The following ATP2B2 variants were observed in gnomAD, a reference collection of about 807,000 sequenced individuals.
ATP2B2 encodes the protein ATPase plasma membrane Ca2+ transporting 2.
ATP2B2 carries 15 observed loss-of-function variants against 120.0 expected under a neutral mutation model. The ratio of observed to expected loss-of-function variants is 0.12; its 90% CI spans 0.08 to 0.19. The LOEUF (loss-of-function observed/expected upper bound fraction) is 0.19, where lower values mean the gene tolerates loss of function less well. Ranked by LOEUF, ATP2B2 falls within the 10% of genes least tolerant of loss-of-function variation. ATP2B2 has a pLI of 1.00. For missense variants in ATP2B2, 1,045 were observed against 1,719.8 expected, an observed-to-expected ratio of 0.61 and a Z score of 6.94; for synonymous variants, 694 against 700.3, an observed-to-expected ratio of 0.99 and a Z score of 0.14.
At chr3:10,519,857 C>T (rs776124029) in intron 3 of ATP2B2, among the ~76,000 whole-genome samples, 5 of 152,236 alleles carry the variant, frequency 3.3e-5, no homozygotes, top group Non-Finnish European at 5.9e-5. Context: ...GCCTGCCTTG[C>T]ATGTGGAGAC....
chr3:10,605,217 C>T (rs1217321170), intron 2 of ATP2B2, among the ~76,000 whole-genome samples: 1 of 152,216 alleles, frequency 6.6e-6, no homozygotes, highest in East Asian at 1.9e-4. Flanking sequence ...CAGATGCTGA[C>T]AGTAACAAGA....
chr3:10,696,187 G>T (rs917530353), intron 1 of ATP2B2, among the ~76,000 whole-genome samples: 1 of 152,184 alleles, frequency 6.6e-6, no homozygotes, highest in Non-Finnish European at 1.5e-5. Context: ...TCCAGGGTCA[G>T]CCTCCCACAC....
intron 1 of ATP2B2, among the ~76,000 whole-genome samples, chr3:10,454,739 C>A (rs2064190508): frequency 6.6e-6 from 1 of 152,184 alleles, no homozygotes; most frequent in African/African-American, 2.4e-5. Context: ...GAACTGAGGA[C>A]CCCATAGTTT....
At chr3:10,687,587 G>A (rs1007490100) in intron 1 of ATP2B2, among the ~76,000 whole-genome samples, 2 of 152,340 alleles carry the variant, frequency 1.3e-5, no homozygotes, top group African/African-American at 4.8e-5. Flanking sequence ...GGACCCAGAT[G>A]AGGTGGCTCA....
At chr3:10,441,347 C>T (rs528616462) in intron 2 of ATP2B2, among the ~76,000 whole-genome samples, 3 of 152,170 alleles carry the variant, frequency 2.0e-5, no homozygotes, top group Non-Finnish European at 1.5e-5. Flanking sequence ...TCAAGTGATT[C>T]TTGTGTCTCA....
At chr3:10,523,554 C>T (rs1156981048) in intron 3 of ATP2B2, among the ~76,000 whole-genome samples, 1 of 152,196 alleles carries the variant, frequency 6.6e-6, no homozygotes, top group African/African-American at 2.4e-5. Flanking sequence ...CGAATCTTTG[C>T]TACAGCTTTG....
intron 2 of ATP2B2, among the ~76,000 whole-genome samples, chr3:10,421,098 C>T (rs1293744512): frequency 6.6e-6 from 1 of 152,180 alleles, no homozygotes; most frequent in Non-Finnish European, 1.5e-5. Context: ...GCAGGGCCAG[C>T]TGCATTGTCC....
chr3:10,651,773 A>ATGGATGGATGGC (rs1282764078), intron 1 of ATP2B2, among the ~76,000 whole-genome samples: 3 of 151,836 alleles, frequency 2.0e-5, no homozygotes, highest in African/African-American at 7.3e-5. Context: ...GGATGGATGG[A>ATGGATGGATGGC]TAGATGGATG....
intron 5 of ATP2B2, among the ~76,000 whole-genome samples, chr3:10,399,323 C>A (rs111673413): frequency 6.6e-6 from 1 of 152,170 alleles, no homozygotes; most frequent in African/African-American, 2.4e-5. Flanking sequence ...AGTGAGACCC[C>A]GGGGGCTTTG....
At chr3:10,498,129 A>G (rs1356711325) in intron 1 of ATP2B2, among the ~76,000 whole-genome samples, 1 of 152,254 alleles carries the variant, frequency 6.6e-6, no homozygotes, top group Non-Finnish European at 1.5e-5. Flanking sequence ...CAAAATGTAT[A>G]TCTTGGAATC....
At chr3:10,579,776 C>A (rs1246626368) in intron 2 of ATP2B2, among the ~76,000 whole-genome samples, 3 of 152,116 alleles carry the variant, frequency 2.0e-5, no homozygotes, top group Non-Finnish European at 4.4e-5. Flanking sequence ...TGCCACTGCA[C>A]TCCAGCCTGG....
At chr3:10,690,068 G>C (rs2071621027) in intron 1 of ATP2B2, among the ~76,000 whole-genome samples, 1 of 152,242 alleles carries the variant, frequency 6.6e-6, no homozygotes, top group African/African-American at 2.4e-5. Flanking sequence ...TCCAACTGCA[G>C]AGCAGACACA....
intron 22 of ATP2B2, chr3:10,332,185 G>C (rs2059998815): frequency 6.9e-6 from 5 of 721,500 alleles, no homozygotes; most frequent in Non-Finnish European, 7.5e-6. Context: ...CCTTTTTGTT[G>C]TCTTCATTTC....
At chr3:10,528,679 G>A (rs199902287) in intron 3 of ATP2B2, among the ~76,000 whole-genome samples, 2 of 130,020 alleles carry the variant, frequency 1.5e-5, no homozygotes, top group East Asian at 5.5e-4. Context: ...TCACTTTTAT[G>A]TGAATTGATA....
At chr3:10,696,259 G>T (rs1211072420) in intron 1 of ATP2B2, among the ~76,000 whole-genome samples, 1 of 152,190 alleles carries the variant, frequency 6.6e-6, no homozygotes, top group African/African-American at 2.4e-5. Flanking sequence ...ATTCCAAGGG[G>T]ATTTCATAGA....
intron 2 of ATP2B2, among the ~76,000 whole-genome samples, chr3:10,427,921 C>A (rs191621067): frequency 1.3e-5 from 2 of 152,224 alleles, no homozygotes; most frequent in Non-Finnish European, 2.9e-5. Flanking sequence ...CCAGCTTGAG[C>A]GTTCTGCCTC....
At chr3:10,418,108 G>T (rs1448682956) in intron 2 of ATP2B2, among the ~76,000 whole-genome samples, 1 of 152,088 alleles carries the variant, frequency 6.6e-6, no homozygotes, top group Non-Finnish European at 1.5e-5. Context: ...CCCCTTGCCT[G>T]CTTGGTAGCT....
At chr3:10,503,149 C>T (rs760006164) in intron 1 of ATP2B2, among the ~76,000 whole-genome samples, 129 of 152,386 alleles carry the variant, frequency 8.5e-4, no homozygotes, top group Non-Finnish European at 1.5e-3. Context: ...GCCAGCATTT[C>T]AGGCTCTGCA....
intron 1 of ATP2B2, among the ~76,000 whole-genome samples, chr3:10,457,105 T>A (rs904838075): frequency 2.6e-5 from 4 of 152,100 alleles, no homozygotes; most frequent in African/African-American, 9.7e-5. Flanking sequence ...TAGATCAGTG[T>A]GTCTGTAGGG....
Sources: gnomAD v4.1 joint callset for allele counts (sites outside exome capture counted in the v4.1 genomes callset) on GRCh38, gnomAD v4.1.1 for gene constraint, MANE v1.5 for transcripts, NCBI Gene and HGNC (gene_info 2026-07-23, HGNC 2026-07-21) for gene names.